The following PAK2 variants were observed in gnomAD, a reference collection of about 807,000 sequenced individuals.
The protein encoded by PAK2 is serine/threonine-protein kinase PAK 2.
In PAK2, 21 loss-of-function variants were observed where a neutral mutation model predicts 65.9. The ratio of observed to expected loss-of-function variants is 0.32; its 90% CI spans 0.23 to 0.46. The LOEUF is 0.46. Ranked by LOEUF, PAK2 falls within the 20% of genes least tolerant of loss-of-function variation. The probability of loss-of-function intolerance (pLI) is 1.00; values close to 1 mark genes in which losing one functional copy is unlikely to be tolerated. For synonymous variants in PAK2, 204 were observed against 219.7 expected, an observed-to-expected ratio of 0.93 and a Z score of 0.63; for missense variants, 324 against 642.6, an observed-to-expected ratio of 0.50 and a Z score of 5.36.
chr3:196,757,177 G>A (rs1018300106), intron 1 of PAK2, among the ~76,000 whole-genome samples: 1 of 152,206 alleles, frequency 6.6e-6, no homozygotes, highest in Non-Finnish European at 1.5e-5. Context: ...GGTAACTCAA[G>A]GTGACTTAGG....
At chr3:196,765,204 G>C (rs1205524067) in intron 1 of PAK2, among the ~76,000 whole-genome samples, 1 of 145,966 alleles carries the variant, frequency 6.9e-6, no homozygotes, top group African/African-American at 2.6e-5. Flanking sequence ...CTGGAGTGCA[G>C]TGGCGTGATC....
intron 13 of PAK2, among the ~76,000 whole-genome samples, chr3:196,825,807 G>C (rs1367398411): frequency 2.0e-5 from 3 of 152,022 alleles, no homozygotes; most frequent in Non-Finnish European, 2.9e-5. Flanking sequence ...ATAGATCTAG[G>C]TAGTTATTAG....
At chr3:196,802,120 C>A (rs1217851563) in intron 3 of PAK2, 93 bp downstream of exon 3, 19 of 762,038 alleles carry the variant, frequency 2.5e-5, no homozygotes, top group Non-Finnish European at 3.9e-5. Flanking sequence ...CATTTCAGGC[C>A]AGGTGCGGTG....
rs1560095630 is a variant in PAK2, at chr3:196,765,364, G to T, written c.-21-17262G>T. On this transcript the variant is annotated intron_variant, in intron 1 of 14. Transcript: ENST00000327134. Reference sequence around the variant, plus strand: ...GGGGTTTTGCCATGTTGGCCAGGCTGGGCTCGAACTCCTGGCCTCAAGCAA... The same window carrying T: ...GGGGTTTTGCCATGTTGGCCAGGCTTGGCTCGAACTCCTGGCCTCAAGCAA... Among the ~76,000 whole-genome samples the T allele has an allele frequency of 2.0e-5, 3 of 151,936 alleles. No individual in the cohort carries two copies. The East Asian group carries it at 5.8e-4, about 29-fold the overall frequency.
intron 8 of PAK2, among the ~76,000 whole-genome samples, chr3:196,811,392 T>C (rs1393663934): frequency 4.4e-5 from 3 of 67,868 alleles, no homozygotes; most frequent in South Asian, 6.9e-4. Context: ...TTCCCTTTTT[T>C]TTTTTTTTTT....
chr3:196,752,623 A>G (rs1354311440), intron 1 of PAK2, among the ~76,000 whole-genome samples: 2 of 147,706 alleles, frequency 1.4e-5, no homozygotes, highest in Non-Finnish European at 3.0e-5. Context: ...TGTTTGAGAC[A>G]GAGTTTCACT....
chr3:196,751,694 T>TATATATATATATATATATATATAAA (rs1211217848), intron 1 of PAK2, among the ~76,000 whole-genome samples: 2 of 45,852 alleles, frequency 4.4e-5, no homozygotes, highest in Non-Finnish European at 8.9e-5. Flanking sequence ...TATATATATA[T>TATATATATATATATATATATATAAA]AATTCAGGCT....
intron 1 of PAK2, among the ~76,000 whole-genome samples, chr3:196,757,435 G>A (rs542020461): frequency 2.0e-5 from 3 of 152,258 alleles, no homozygotes; most frequent in African/African-American, 4.8e-5. Context: ...TTCCATCCAC[G>A]TCATTTCCCT....
chr3:196,812,296 T>A, intron 9 of PAK2, 29 bp downstream of exon 9: 1 of 1,392,964 alleles, frequency 7.2e-7, no homozygotes, highest in Non-Finnish European at 1.0e-6. Flanking sequence ...TCCTGGGTGT[T>A]ACCATTATTT....
intron 1 of PAK2, among the ~76,000 whole-genome samples, chr3:196,757,106 C>G (rs1175580730): frequency 2.0e-5 from 3 of 151,976 alleles, no homozygotes; most frequent in African/African-American, 7.3e-5. Context: ...TTTAAAGAGA[C>G]CAGGGGGTAT....
chr3:196,808,511 A>G (rs1394022263), intron 7 of PAK2, among the ~76,000 whole-genome samples: 1 of 145,378 alleles, frequency 6.9e-6, no homozygotes, highest in African/African-American at 2.6e-5. Context: ...TAGTGAGCCG[A>G]GATCGCGCCA....
intron 1 of PAK2, among the ~76,000 whole-genome samples, chr3:196,751,696 A>AATAAATTACC (rs373145395): frequency 9.6e-5 from 7 of 72,656 alleles, no homozygotes; most frequent in Non-Finnish European, 1.8e-4. Context: ...TATATATATA[A>AATAAATTACC]TTCAGGCTAT....
At chr3:196,759,498 G>GTTTGTTTTTTTTTTTTTTTTTTTTTT (rs1713881954) in intron 1 of PAK2, among the ~76,000 whole-genome samples, 1 of 108,116 alleles carries the variant, frequency 9.2e-6, no homozygotes, top group African/African-American at 3.6e-5. Context: ...GGTTTTTTTT[G>GTTTGTTTTTTTTTTTTTTTTTTTTTT]TTTTTTTTTT....
chr3:196,824,532 A>G (rs976547873), intron 13 of PAK2, among the ~76,000 whole-genome samples: 4 of 152,206 alleles, frequency 2.6e-5, no homozygotes, highest in Admixed American at 1.3e-4. Flanking sequence ...TATTATTTCA[A>G]CTGTAGAGAG....
chr3:196,802,704 C>T (rs190806923), intron 3 of PAK2, among the ~76,000 whole-genome samples: 2 of 152,058 alleles, frequency 1.3e-5, no homozygotes, highest in African/African-American at 4.8e-5. Flanking sequence ...ATTAGCCAGG[C>T]GTGGTGGCGG....
At chr3:196,773,282 G>A (rs192241352) in intron 1 of PAK2, among the ~76,000 whole-genome samples, 166 of 152,192 alleles carry the variant, frequency 1.1e-3, no homozygotes, top group African/African-American at 3.5e-3. Flanking sequence ...TAAAACATTT[G>A]TTACTAATGG....
intron 1 of PAK2, among the ~76,000 whole-genome samples, chr3:196,770,678 A>G (rs1190209023): frequency 6.6e-6 from 1 of 152,080 alleles, no homozygotes; most frequent in Non-Finnish European, 1.5e-5. Flanking sequence ...GCTGGAGTGC[A>G]GTGGCACCAT....
chr3:196,783,538 T>A (rs994189160), intron 2 of PAK2, among the ~76,000 whole-genome samples: 1 of 143,820 alleles, frequency 7.0e-6, no homozygotes, highest in Non-Finnish European at 1.5e-5. Flanking sequence ...GCCAAGATCG[T>A]GGCACCGCAC....
intron 1 of PAK2, among the ~76,000 whole-genome samples, chr3:196,756,049 C>T (rs180693567): frequency 3.1e-4 from 47 of 152,278 alleles, no homozygotes; most frequent in African/African-American, 1.0e-3. Context: ...CCACCGCACC[C>T]GGCCCCTTCC....
Sources: gnomAD v4.1 joint callset for allele counts (sites outside exome capture counted in the v4.1 genomes callset) on GRCh38, gnomAD v4.1.1 for gene constraint, MANE v1.5 for transcripts, NCBI Gene and HGNC (gene_info 2026-07-23, HGNC 2026-07-21) for gene names.